The following GNA12 variants were observed in gnomAD, a reference collection of about 807,000 sequenced individuals.
GNA12 encodes the protein G protein subunit alpha 12.
A neutral mutation model predicts 26.0 loss-of-function variants in GNA12; 9 were observed. The observed-to-expected ratio is 0.35, with a 90% confidence interval of 0.21 to 0.60. GNA12 has a LOEUF of 0.60. GNA12 is among the 20% of genes least tolerant of loss of function. The pLI is 0.78. For synonymous variants in GNA12, 264 were observed against 219.6 expected (o/e 1.20, Z -1.79); for missense variants, 405 against 525.8 (o/e 0.77, Z 2.25).
intron 1 of GNA12, among the ~76,000 whole-genome samples, chr7:2,814,635 CTTTT>C (rs35209860): frequency 8.2e-5 from 11 of 133,706 alleles, no homozygotes; most frequent in East Asian, 2.2e-4. Context: ...CTTTTCCTGC[CTTTT>C]TTTTTTTTTT....
chr7:2,818,489 G>A (rs555922423), intron 1 of GNA12, among the ~76,000 whole-genome samples: 14 of 151,590 alleles, frequency 9.2e-5, no homozygotes, highest in African/African-American at 3.2e-4. Flanking sequence ...GAAGCCTGGT[G>A]CGGTGGCTCA....
chr7:2,747,356 G>C (rs564545772), intron 2 of GNA12, among the ~76,000 whole-genome samples: 19 of 152,270 alleles, frequency 1.2e-4, no homozygotes, highest in Non-Finnish European at 1.2e-4. Context: ...GGGATGCAAG[G>C]CTGGTTCAAC....
chr7:2,840,196 T>C (rs1338380292), intron 1 of GNA12, among the ~76,000 whole-genome samples: 2 of 152,078 alleles, frequency 1.3e-5, no homozygotes, highest in African/African-American at 4.8e-5. Flanking sequence ...TGGCAGAGGG[T>C]ATGTGGGATC....
At chr7:2,792,992 C>G (rs562288478) in intron 2 of GNA12, among the ~76,000 whole-genome samples, 1 of 152,346 alleles carries the variant, frequency 6.6e-6, no homozygotes, top group East Asian at 1.9e-4. Context: ...GCTTGCATCA[C>G]CAGCCACTGG....
At chr7:2,792,281 T>C (rs555018258) in intron 2 of GNA12, among the ~76,000 whole-genome samples, 1 of 152,224 alleles carries the variant, frequency 6.6e-6, no homozygotes, top group African/African-American at 2.4e-5. Context: ...AGACTGGGCT[T>C]TGAGGCCCAA....
At chr7:2,749,189 C>A (rs1202541342) in intron 2 of GNA12, among the ~76,000 whole-genome samples, 1 of 152,122 alleles carries the variant, frequency 6.6e-6, no homozygotes, top group Non-Finnish European at 1.5e-5. Context: ...ATAAATCATG[C>A]TGCTATAAAG....
At chr7:2,789,370 C>CAA (rs1792459201) in intron 2 of GNA12, among the ~76,000 whole-genome samples, 1 of 143,766 alleles carries the variant, frequency 7.0e-6, no homozygotes, top group African/African-American at 2.7e-5. Flanking sequence ...CTCCTGACCT[C>CAA]GTGATCCGCC....
chr7:2,770,112 A>G (rs1298397770), intron 2 of GNA12, among the ~76,000 whole-genome samples: 4 of 152,232 alleles, frequency 2.6e-5, no homozygotes. Flanking sequence ...TATATCCTCA[A>G]CATTATTCAA....
At chr7:2,824,939 G>T (rs1033628975) in intron 1 of GNA12, among the ~76,000 whole-genome samples, 1 of 152,056 alleles carries the variant, frequency 6.6e-6, no homozygotes, top group African/African-American at 2.4e-5. Context: ...ACCACTTTCC[G>T]ACTAAAGACA....
At chr7:2,797,968 G>T (rs988038953) in intron 1 of GNA12, among the ~76,000 whole-genome samples, 1 of 152,120 alleles carries the variant, frequency 6.6e-6, no homozygotes, top group African/African-American at 2.4e-5. Context: ...AAAAACCTTT[G>T]CAAACTAGGA....
intron 1 of GNA12, among the ~76,000 whole-genome samples, chr7:2,836,350 C>G (rs1778837519): frequency 6.6e-6 from 1 of 152,166 alleles, no homozygotes; most frequent in South Asian, 2.1e-4. Context: ...AAAGAAAGTT[C>G]TGAATGTAAC....
At chr7:2,824,478 G>A (rs1258914436) in intron 1 of GNA12, among the ~76,000 whole-genome samples, 5 of 152,088 alleles carry the variant, frequency 3.3e-5, no homozygotes, top group South Asian at 2.1e-4. Context: ...ACATGGACAC[G>A]CTCTCGCCCT....
chr7:2,804,522 G>C (rs1287138385), intron 1 of GNA12, among the ~76,000 whole-genome samples: 1 of 152,170 alleles, frequency 6.6e-6, no homozygotes, highest in Admixed American at 6.5e-5. Flanking sequence ...AAAGCCAATA[G>C]GACTGGGCTG....
intron 2 of GNA12, among the ~76,000 whole-genome samples, chr7:2,754,582 TAAA>T (rs34822125): frequency 3.5e-4 from 50 of 143,578 alleles, no homozygotes; most frequent in African/African-American, 1.1e-3. Context: ...ATCTCTACTT[TAAA>T]AAAAAAAAAA....
Position 2,731,789 on chromosome 7 carries a change from A to G in GNA12, c.577-39T>C, listed in dbSNP as rs779674921. The G allele has an allele frequency of 1.9e-6, 2 of 1,056,140 alleles. No individual in the cohort carries two copies. The highest frequency in any genetic ancestry group is 5.0e-5 in the Admixed American group (2 of 39,896). The allele number at this position is 1,056,140 out of a possible 1,614,324, so 65.4% of individuals were successfully genotyped here. A position where few individuals can be genotyped will look rare whatever the true frequency, so the allele number is the denominator to read the frequency against. ...GATGAGGCAGAAATTTAGGGGGAGG[A>G]AGAAAGAACAGAGAAAATAGAAACA... is the stretch of plus-strand genomic sequence containing the variant. On this transcript the variant is annotated intron_variant, in intron 3 of 3. Transcript: ENST00000275364. The surrounding 1 kb of genome is among the most constrained non-coding windows in gnomAD (Gnocchi z 6.0).
At chr7:2,734,309 G>A (rs900610691) in intron 2 of GNA12, among the ~76,000 whole-genome samples, 17 of 152,268 alleles carry the variant, frequency 1.1e-4, no homozygotes, top group African/African-American at 3.4e-4. Context: ...CAAAGGTAGC[G>A]TATTAAAAAC....
intron 2 of GNA12, among the ~76,000 whole-genome samples, chr7:2,742,868 G>T (rs1416234261): frequency 6.6e-6 from 1 of 152,168 alleles, no homozygotes; most frequent in Non-Finnish European, 1.5e-5. Flanking sequence ...ACTGATTTCT[G>T]TATATTGGCT....
rs771209523 is a variant in GNA12 at position 2,814,392 on chromosome 7, G to T, written c.310-19249C>A. ...CCATCTGGTGTGCTTCCCGAACCCT[G>T]CAAGTCAACATTTAAGAATTCCTAT... On this transcript the variant is annotated intron_variant, in intron 1 of 3. Transcript: ENST00000275364. 3.9e-6 allele frequency: 6 copies of T among 1,548,692 alleles called. No homozygotes were observed. In the South Asian group the frequency reaches 6.7e-5, roughly 17 times the overall value.
At chr7:2,813,094 T>C (rs1195039627) in intron 1 of GNA12, among the ~76,000 whole-genome samples, 1 of 152,156 alleles carries the variant, frequency 6.6e-6, no homozygotes, top group Non-Finnish European at 1.5e-5. Context: ...ACCCAGCTAA[T>C]TTTATTTGTA....
Sources: allele counts gnomAD v4.1 joint callset (sites outside exome capture counted in the v4.1 genomes callset), GRCh38; gene constraint gnomAD v4.1.1; non-coding constraint Gnocchi (gnomAD v3.1); transcripts MANE v1.5; gene names NCBI Gene and HGNC (gene_info 2026-07-23, HGNC 2026-07-21).